DNAJC22: variants seen among roughly 807,000 people sequenced by gnomAD.
DNAJC22 encodes dnaJ homolog subfamily C member 22.
DNAJC22 carries 24 observed loss-of-function variants against 22.2 expected under a neutral mutation model. The observed-to-expected ratio is 1.08, with a 90% CI of 0.78 to 1.52. The LOEUF (loss-of-function observed/expected upper bound fraction) is 1.52. Ranked by LOEUF, DNAJC22 falls within the 40% of genes most tolerant of loss-of-function variation. DNAJC22 has a pLI of 0.00. For missense variants in DNAJC22, 434 were observed against 421.7 expected, an observed-to-expected ratio of 1.03 and a Z score of -0.26; for synonymous variants, 160 against 167.4, an observed-to-expected ratio of 0.96 and a Z score of 0.34.
In DNAJC22 at chr12:49,348,274, T is replaced by A. The variant is rs1162390381; in HGVS notation, c.-108+169T>A. Among the ~76,000 whole-genome samples, 7 of 152,136 alleles carry A rather than the reference T, an allele frequency of 4.6e-5. 1 individual carries two copies. Among genetic ancestry groups the A allele is most frequent in the Non-Finnish European group, 1.0e-4 (7 of 68,028 alleles). On this transcript the variant is annotated intron_variant, in intron 2 of 3. Coordinates refer to ENST00000549441, the MANE Select transcript of DNAJC22 (RefSeq NM_001304944.2). ...CGAAAGAGGTGGTTGAATTGTGGGG[T>A]GCCAAGGTCTAGGTCAAACGAAGTT... is the stretch of plus-strand genomic sequence containing the variant.
Position 49,348,916 on chromosome 12 carries a change from G to A in DNAJC22, c.44G>A (p.Gly15Glu). 1 of 1,519,706 alleles carries A rather than the reference G, an allele frequency of 6.6e-7. No individual in the cohort carries two copies. The highest frequency in any genetic ancestry group is 1.3e-5 in the South Asian group (1 of 74,940). 94.1% of individuals were successfully genotyped at this position (1,519,706 alleles called of 1,614,324 possible). The change falls in exon 3 of 4, where the codon GGG becomes GAG. Residue 15 changes from glycine to glutamate, a missense_variant. Gly to Glu is a moderately conservative substitution (Grantham distance 98). Transcript: ENST00000549441. ...LLVTYALWAV[G>E]GPAGLHHLYL... is the part of the protein sequence containing the mutation. ...GTGACCTATGCCCTCTGGGCTGTGG[G>A]GGGCCCTGCTGGGCTCCACCACCTG...
At chr12:49,348,728 G>T (rs1217837855) in intron 2 of DNAJC22, 38 bp from the exon 3 acceptor site, 1 of 1,156,736 alleles carries the variant, frequency 8.6e-7, no homozygotes, top group Non-Finnish European at 1.1e-6. Context: ...TTGGAGCCTG[G>T]ACATCATCTT....
At chr12:49,351,182 T>G in intron 3 of DNAJC22, 135 bp from the exon 4 acceptor site, 1 of 1,497,864 alleles carries the variant, frequency 6.7e-7, no homozygotes, top group Non-Finnish European at 8.8e-7. Flanking sequence ...TAACCTGAGC[T>G]GCTGGACCTT....
chr12:49,351,232 G>T (rs1943780071), intron 3 of DNAJC22, 85 bp from the exon 4 acceptor site: 1 of 1,592,044 alleles, frequency 6.3e-7, no homozygotes, highest in Non-Finnish European at 8.5e-7. Flanking sequence ...AGATATGATA[G>T]CCTGATTTAG....
chr12:49,349,192 T>C lies in DNAJC22; in HGVS notation c.320T>C (p.Ile107Thr). The change falls in exon 3 of 4, where the codon ATT becomes ACT. Residue 107 changes from isoleucine to threonine, a missense_variant. By Grantham distance (89) the Ile-to-Thr change is moderately conservative. Coordinates refer to ENST00000549441, the MANE Select transcript of DNAJC22 (RefSeq NM_001304944.2). ...ISLSSMVNFY[I>T]VALPLAVGLG... ...CTTTCTTCCATGGTCAACTTCTATA[T>C]TGTGGCCCTCCCACTGGCAGTTGGC... 3 of 1,614,190 alleles carry C rather than the reference T, an allele frequency of 1.9e-6. No individual in the cohort carries two copies. Among genetic ancestry groups the C allele is most frequent in the Non-Finnish European group, 2.5e-6 (3 of 1,180,030 alleles).
In DNAJC22 at chr12:49,349,180, T is replaced by G; in HGVS notation, c.308T>G (p.Val103Gly). 1 of 1,614,188 alleles carries G rather than the reference T, an allele frequency of 6.2e-7. No individual in the cohort carries two copies. The change falls in exon 3 of 4, where the codon GTC becomes GGC. Residue 103 changes from valine (V) to glycine (G), a missense_variant. Val to Gly is a moderately radical substitution (Grantham distance 109). Transcript: ENST00000549441. Reference sequence around the variant, plus strand: ...GCACTGATTAGCCTTTCTTCCATGGTCAACTTCTATATTGTGGCCCTCCCA... The same window carrying G: ...GCACTGATTAGCCTTTCTTCCATGGGCAACTTCTATATTGTGGCCCTCCCA... ...LVALISLSSM[V>G]NFYIVALPLA...
At position 49,349,263 on chromosome 12, in the gene DNAJC22, T is replaced by C; in HGVS notation, c.391T>C (p.Phe131Leu). 1 of 1,614,192 alleles carries C rather than the reference T, an allele frequency of 6.2e-7. No homozygotes were observed. Among genetic ancestry groups the C allele is most frequent in the Non-Finnish European group, 8.5e-7 (1 of 1,180,032 alleles). ...VAAVGNQTSD[F>L]KNTLGSAFLT... ...TGCTGTTGGCAACCAGACCTCAGAC[T>C]TTAAGAACACTCTGGGGTCAGCATT... Residue 131 changes from phenylalanine to leucine, a missense_variant, in exon 3 of 4, where the codon TTT (phenylalanine) becomes CTT (leucine). Transcript: ENST00000549441.
In DNAJC22 at chr12:49,347,169, T is replaced by C. The variant is rs1424181839; in HGVS notation, c.-952T>C. The C allele has an allele frequency of 6.6e-6, 1 of 152,296 alleles. No individual in the cohort carries two copies. Among genetic ancestry groups the C allele is most frequent in the African/African-American group, 2.4e-5 (1 of 41,468 alleles). 9.4% of individuals were successfully genotyped at this position (152,296 alleles called of 1,614,324 possible). On this transcript the variant is annotated 5_prime_UTR_variant, in exon 1 of 4. Transcript: ENST00000549441. Reference sequence around the variant, plus strand: ...ACATTGAAATGAAGGCGTCTTGCATTGCAGCTCCGTTGCAGCGCAGAGGCG... The same window carrying C: ...ACATTGAAATGAAGGCGTCTTGCATCGCAGCTCCGTTGCAGCGCAGAGGCG...
At chr12:49,348,250 GA>G (rs1943725505) in intron 2 of DNAJC22, 145 bp downstream of exon 2, 1 of 152,236 alleles carries the variant, frequency 6.6e-6, no homozygotes, top group African/African-American at 2.4e-5. Flanking sequence ...GCCGGCCTCC[GA>G]AAGAGGTGGT....
At position 49,352,546 on chromosome 12, in the gene DNAJC22, G is replaced by GTAAATAAATAAA. The variant is rs528130602; in HGVS notation, c.*1054_*1065dup. On this transcript the variant is annotated 3_prime_UTR_variant, in exon 4 of 4. Coordinates refer to ENST00000549441, the MANE Select transcript of DNAJC22 (RefSeq NM_001304944.2). ...AAAAATTAAATAAATAAATAAGTAA[G>GTAAATAAATAAA]TAAATAAATAAATAAATAAATGTAT... is the stretch of plus-strand genomic sequence containing the variant. 1.1e-3 allele frequency: 165 copies of GTAAATAAATAAA among 147,270 alleles called. No homozygotes were observed. Among genetic ancestry groups the GTAAATAAATAAA allele is most frequent in the African/African-American group, 4.1e-3 (153 of 36,972 alleles). 9.1% of individuals were successfully genotyped at this position (147,270 alleles called of 1,614,324 possible). A position where few individuals can be genotyped will look rare whatever the true frequency, so the allele number is the denominator to read the frequency against.
rs1434483978 is a variant in DNAJC22 at position 49,352,537 on chromosome 12, A to AGT, written c.*1035_*1036insGT. ...TTCTGTCTCAAAAATTAAATAAATA[A>AGT]ATAAGTAAGTAAATAAATAAATAAA... On this transcript the variant is annotated 3_prime_UTR_variant, in exon 4 of 4. Coordinates refer to ENST00000549441, the MANE Select transcript of DNAJC22 (RefSeq NM_001304944.2). The AGT allele has an allele frequency of 6.7e-6, 1 of 150,192 alleles. No individual in the cohort carries two copies. Among genetic ancestry groups the AGT allele is most frequent in the African/African-American group, 2.5e-5 (1 of 39,556 alleles). The allele number at this position is 150,192 out of a possible 1,614,324, so 9.3% of individuals were successfully genotyped here.
chr12:49,349,284 G>A lies in DNAJC22; in HGVS notation c.412G>A (p.Ala138Thr). Residue 138 changes from alanine to threonine, a missense_variant, in exon 3 of 4, where the codon GCA becomes ACA. Transcript: ENST00000549441. ...AGACTTTAAGAACACTCTGGGGTCA[G>A]CATTTCTCACTTCACCTATCTTCTA... ...TSDFKNTLGS[A>T]FLTSPIFYGR... 1.2e-6 allele frequency: 2 copies of A among 1,614,136 alleles called. No homozygotes were observed. The highest frequency in any genetic ancestry group is 8.5e-7 in the Non-Finnish European group (1 of 1,180,012).
Position 49,349,349 on chromosome 12 carries a change from C to T in DNAJC22, c.477C>T (p.Ala159=), listed in dbSNP as rs1420390174. 1.2e-6 allele frequency: 2 copies of T among 1,608,592 alleles called. No individual in the cohort carries two copies. Among genetic ancestry groups the T allele is most frequent in the Non-Finnish European group, 1.7e-6 (2 of 1,177,240 alleles). Residue 159 remains alanine, a synonymous_variant, in exon 3 of 4, where the codon GCC becomes GCT. Coordinates refer to ENST00000549441, the MANE Select transcript of DNAJC22 (RefSeq NM_001304944.2). ...CCATACTGCCCATTAGCGTGGCCGC[C>T]AGCATTACAGCTCAGAGGCATCGCC... ...PIAILPISVA[A]SITAQRHRRY...
rs963483750 is a variant in DNAJC22 at position 49,351,713 on chromosome 12, A to T, written c.*211A>T. On this transcript the variant is annotated 3_prime_UTR_variant, in exon 4 of 4. Transcript: ENST00000549441. ...GAGTTCGAGACCAGCAGCCTGGCCA[A>T]TATAGTGAAACTTCGTCTCTACTAA... 3 of 358,846 alleles carry T rather than the reference A, an allele frequency of 8.4e-6. No individual in the cohort carries two copies. In the South Asian group the frequency reaches 1.9e-4, roughly 22 times the overall value. 22.2% of individuals were successfully genotyped at this position (358,846 alleles called of 1,614,324 possible). A position where few individuals can be genotyped will look rare whatever the true frequency, so the allele number is the denominator to read the frequency against.
rs1245811569 is a variant in DNAJC22, at chr12:49,352,350, T to C, written c.*848T>C. On this transcript the variant is annotated 3_prime_UTR_variant, in exon 4 of 4. Transcript: ENST00000549441. ...AACCAACATGGTGAAACCCCATCTC[T>C]ACTAAAAATACAAAACTTAGCCAGC... The C allele has an allele frequency of 1.3e-5, 2 of 152,158 alleles. No individual in the cohort carries two copies. The highest frequency in any genetic ancestry group is 4.8e-5 in the African/African-American group (2 of 41,442). The allele number at this position is 152,158 out of a possible 1,614,324, so 9.4% of individuals were successfully genotyped here.
At position 49,353,152 on chromosome 12, in the gene DNAJC22, CCTTATTCAAT is replaced by C. The variant is rs1943801966; in HGVS notation, c.*1651_*1660del. On this transcript the variant is annotated 3_prime_UTR_variant, in exon 4 of 4. Coordinates refer to ENST00000549441, the MANE Select transcript of DNAJC22 (RefSeq NM_001304944.2). ...CAGCGGCTAGAGCATCTCAAGGGGG[CCTTATTCAAT>C]TCTAGGTAACTAGCCAGGTGTGAAA... 3 of 152,084 alleles carry C rather than the reference CCTTATTCAAT, an allele frequency of 2.0e-5. No individual in the cohort carries two copies. Among genetic ancestry groups the C allele is most frequent in the African/African-American group, 7.2e-5 (3 of 41,400 alleles). The allele number at this position is 152,084 out of a possible 1,614,324, so 9.4% of individuals were successfully genotyped here.
At position 49,351,513 on chromosome 12, in the gene DNAJC22, C is replaced by T. The variant is rs1014636511; in HGVS notation, c.*11C>T. 1.3e-6 allele frequency: 2 copies of T among 1,526,970 alleles called. No individual in the cohort carries two copies. The highest frequency in any genetic ancestry group is 1.7e-6 in the Non-Finnish European group (2 of 1,145,086). 94.6% of individuals were successfully genotyped at this position (1,526,970 alleles called of 1,614,324 possible). On this transcript the variant is annotated 3_prime_UTR_variant, in exon 4 of 4. Coordinates refer to ENST00000549441, the MANE Select transcript of DNAJC22 (RefSeq NM_001304944.2). ...GGATCCCGGAGGTGAAAAGAAACTT[C>T]CCCCTGAGGACTGACTCTTCCTAGC...
rs763895655 is a variant in DNAJC22, at chr12:49,349,479, A to G, written c.607A>G (p.Asn203Asp). ...CCCACTGGCATACAGTGCCCTCTGC[A>G]ACACAGCTGCCACCCTCAGCTATGT... ...TGPLAYSALC[N>D]TAATLSYVAE... Residue 203 changes from asparagine to aspartate, a missense_variant, in exon 3 of 4, where the codon AAC (asparagine) becomes GAC (aspartate). Coordinates refer to ENST00000549441, the MANE Select transcript of DNAJC22 (RefSeq NM_001304944.2). The G allele has an allele frequency of 6.2e-7, 1 of 1,614,222 alleles. No individual in the cohort carries two copies. The highest frequency in any genetic ancestry group is 8.5e-7 in the Non-Finnish European group (1 of 1,180,042).
At position 49,348,903 on chromosome 12, in the gene DNAJC22, C is replaced by G. The variant is rs375925397; in HGVS notation, c.31C>G (p.Leu11Val). Reference protein sequence around the residue: MAKGLLVTYALWAVGGPAGLH... With the variant: MAKGLLVTYAVWAVGGPAGLH... ...CAAGGGGCTCCTGGTGACCTATGCCCTCTGGGCTGTGGGGGGCCCTGCTGG... is the reference window on the plus strand; with the variant it reads ...CAAGGGGCTCCTGGTGACCTATGCCGTCTGGGCTGTGGGGGGCCCTGCTGG... The change falls in exon 3 of 4, where the codon CTC (leucine) becomes GTC (valine). Residue 11 changes from leucine to valine, a missense_variant. Leu to Val is a conservative substitution (Grantham distance 32). Coordinates refer to ENST00000549441, the MANE Select transcript of DNAJC22 (RefSeq NM_001304944.2). The G allele has an allele frequency of 5.3e-5, 80 of 1,518,052 alleles. No homozygotes were observed. The highest frequency in any genetic ancestry group is 2.7e-4 in the Admixed American group (12 of 43,842). The allele number at this position is 1,518,052 out of a possible 1,614,324, so 94.0% of individuals were successfully genotyped here. A position where few individuals can be genotyped will look rare whatever the true frequency, so the allele number is the denominator to read the frequency against.
Sources: allele counts gnomAD v4.1 joint callset (sites outside exome capture counted in the v4.1 genomes callset), GRCh38; gene constraint gnomAD v4.1.1; transcripts MANE v1.5; gene names NCBI Gene and HGNC (gene_info 2026-07-23, HGNC 2026-07-21).